Variants in TAFA2 observed in about 807,000 individuals in gnomAD.
TAFA2 encodes chemokine-like protein TAFA-2.
In TAFA2, 7 loss-of-function variants were observed where a neutral mutation model predicts 18.8. The observed-to-expected ratio is 0.37, with a 90% CI of 0.21 to 0.70. The LOEUF (loss-of-function observed/expected upper bound fraction) is 0.70, where lower values mean the gene tolerates loss of function less well. Ranked by LOEUF, TAFA2 falls within the 30% of genes least tolerant of loss-of-function variation. The pLI is 0.53. For synonymous variants in TAFA2, 60 were observed against 54.2 expected (o/e 1.11, Z -0.47); for missense variants, 122 against 158.1 (o/e 0.77, Z 1.23).
At chr12:61,775,920 A>G in intron 2 of TAFA2, 1 of 195,196 alleles carries the variant, frequency 5.1e-6, no homozygotes, top group South Asian at 9.8e-5. Context: ...GTAATATGCC[A>G]AAACGACAAA....
chr12:62,143,681 A>C (rs1258939112), intron 1 of TAFA2, among the ~76,000 whole-genome samples: 2 of 151,834 alleles, frequency 1.3e-5, no homozygotes, highest in African/African-American at 4.8e-5. Context: ...ACCCCCCACA[A>C]CCTTATTAAC....
intron 1 of TAFA2, among the ~76,000 whole-genome samples, chr12:62,163,934 T>G (rs1394615189): frequency 1.3e-5 from 2 of 152,142 alleles, no homozygotes; most frequent in South Asian, 2.1e-4. Flanking sequence ...AAAAAGTTCC[T>G]TTTTAACTTT....
At chr12:62,231,711 A>T (rs2062812772) in intron 1 of TAFA2, among the ~76,000 whole-genome samples, 1 of 152,234 alleles carries the variant, frequency 6.6e-6, no homozygotes, top group Non-Finnish European at 1.5e-5. Context: ...AATAAATTTA[A>T]GTTTAAAACC....
intron 1 of TAFA2, among the ~76,000 whole-genome samples, chr12:62,187,134 C>T (rs2136957421): frequency 6.6e-6 from 1 of 152,232 alleles, no homozygotes; most frequent in African/African-American, 2.4e-5. Flanking sequence ...GACAGCAGCA[C>T]ACAGATATGT....
chr12:61,785,813 T>G (rs1870715106), intron 2 of TAFA2, among the ~76,000 whole-genome samples: 2 of 151,722 alleles, frequency 1.3e-5, no homozygotes, highest in East Asian at 3.9e-4. Context: ...TTTCTCAAAA[T>G]GTATCCTCAT....
In TAFA2 at chr12:61,991,459, T is replaced by G. The variant is rs187471918; in HGVS notation, c.-1-124033A>C. Among the ~76,000 whole-genome samples, 197 of 152,308 alleles carry G rather than the reference T, an allele frequency of 1.3e-3. 1 individual carries two copies. The highest frequency in any genetic ancestry group is 2.1e-3 in the Non-Finnish European group (143 of 68,010). On this transcript the variant is annotated intron_variant, in intron 1 of 4. Transcript: ENST00000416284. ...CCTTATTCAGAAATCTACAAAGGCT[T>G]CATTTTATCTACCATAAACAGTCTA...
At chr12:62,003,290 G>A (rs1880439874) in intron 1 of TAFA2, among the ~76,000 whole-genome samples, 2 of 152,024 alleles carry the variant, frequency 1.3e-5, no homozygotes, top group African/African-American at 4.8e-5. Context: ...GCCTTACAAA[G>A]CCAGCCATGA....
At chr12:62,126,860 T>C (rs935444005) in intron 1 of TAFA2, among the ~76,000 whole-genome samples, 4 of 152,108 alleles carry the variant, frequency 2.6e-5, no homozygotes, top group African/African-American at 9.7e-5. Context: ...GTTATGCCAG[T>C]TTTTGAACAA....
At chr12:62,117,701 A>C (rs979291089) in intron 1 of TAFA2, among the ~76,000 whole-genome samples, 2 of 152,144 alleles carry the variant, frequency 1.3e-5, no homozygotes, top group African/African-American at 4.8e-5. Flanking sequence ...TGTGATAGAC[A>C]CAGATAACCT....
At chr12:62,042,883 A>G (rs991597111) in intron 1 of TAFA2, among the ~76,000 whole-genome samples, 12 of 152,190 alleles carry the variant, frequency 7.9e-5, no homozygotes, top group Non-Finnish European at 1.5e-5. Flanking sequence ...ATCTGCCCCA[A>G]TGCAAGACCG....
chr12:61,906,085 A>G (rs541326419), intron 1 of TAFA2, among the ~76,000 whole-genome samples: 1 of 152,342 alleles, frequency 6.6e-6, no homozygotes, highest in East Asian at 1.9e-4. Flanking sequence ...AAGTATACCT[A>G]TTCCAAATAT....
At chr12:62,018,044 T>G (rs969467265) in intron 1 of TAFA2, among the ~76,000 whole-genome samples, 1 of 152,126 alleles carries the variant, frequency 6.6e-6, no homozygotes, top group African/African-American at 2.4e-5. Context: ...GAAAATCTTA[T>G]AGTTTGGGAG....
At chr12:61,779,680 G>A (rs1252203650) in intron 2 of TAFA2, among the ~76,000 whole-genome samples, 1 of 151,762 alleles carries the variant, frequency 6.6e-6, no homozygotes, top group Non-Finnish European at 1.5e-5. Flanking sequence ...CAATTGGTAG[G>A]GAGGAGATTT....
chr12:62,227,061 A>G (rs775256069), intron 1 of TAFA2, among the ~76,000 whole-genome samples: 13 of 152,224 alleles, frequency 8.5e-5, no homozygotes, highest in Non-Finnish European at 1.8e-4. Context: ...TGAAGCCTAG[A>G]CTATGTATCA....
intron 1 of TAFA2, among the ~76,000 whole-genome samples, chr12:62,136,235 C>T (rs971831403): frequency 6.6e-6 from 1 of 152,070 alleles, no homozygotes; most frequent in Non-Finnish European, 1.5e-5. Context: ...TTAAAAGATG[C>T]AATAATCTTC....
intron 1 of TAFA2, among the ~76,000 whole-genome samples, chr12:61,960,358 G>A (rs1330384121): frequency 6.6e-6 from 1 of 151,914 alleles, no homozygotes; most frequent in Non-Finnish European, 1.5e-5. Context: ...TACATTGTAT[G>A]TTATTTAAAA....
At chr12:61,753,880 T>G in intron 3 of TAFA2, 134 bp from the exon 4 acceptor site, 1 of 634,032 alleles carries the variant, frequency 1.6e-6, no homozygotes, top group Non-Finnish European at 2.5e-6. Flanking sequence ...ATGCCTTTCT[T>G]TTTGTTCAAA....
chr12:62,035,835 G>A (rs984347119), intron 1 of TAFA2, among the ~76,000 whole-genome samples: 2 of 135,460 alleles, frequency 1.5e-5, no homozygotes, highest in African/African-American at 5.6e-5. Context: ...TCCGCCTCCC[G>A]GGTTCACGCC....
At chr12:61,806,818 A>C (rs1871633449) in intron 2 of TAFA2, among the ~76,000 whole-genome samples, 1 of 152,130 alleles carries the variant, frequency 6.6e-6, no homozygotes, top group South Asian at 2.1e-4. Context: ...TGCCCTAGAG[A>C]TTTGTGGAAC....
Sources: gnomAD v4.1 joint callset for allele counts (sites outside exome capture counted in the v4.1 genomes callset) on GRCh38, gnomAD v4.1.1 for gene constraint, MANE v1.5 for transcripts, NCBI Gene and HGNC (gene_info 2026-07-23, HGNC 2026-07-21) for gene names.